The following RUFY3 variants were observed in gnomAD, a reference collection of about 807,000 sequenced individuals.
RUFY3 encodes protein RUFY3.
RUFY3 carries 34 observed loss-of-function variants against 84.0 expected under a neutral mutation model. That is an observed-to-expected ratio of 0.40 (90% CI 0.31 to 0.54). RUFY3 has a LOEUF of 0.54. RUFY3 is among the 20% of genes least tolerant of loss of function. The pLI is 0.39. For synonymous variants in RUFY3, 242 were observed against 252.9 expected (o/e 0.96, Z 0.41); for missense variants, 507 against 736.8 (o/e 0.69, Z 3.61).
rs1325855561 is a variant in RUFY3, at chr4:70,789,516, C to T, written c.1261C>T (p.Gln421Ter). 2 of 1,612,400 alleles carry T rather than the reference C, an allele frequency of 1.2e-6. No individual in the cohort carries two copies. The highest frequency in any genetic ancestry group is 1.7e-6 in the Non-Finnish European group (2 of 1,179,154). Residue 421 changes from glutamine to a stop codon, truncating the protein, a stop_gained, in exon 12 of 18, where the codon CAG becomes TAG. Coordinates refer to ENST00000381006, the MANE Select transcript of RUFY3 (RefSeq NM_001037442.4). LOFTEE classifies it high-confidence loss of function. ...KLQSSDLGVK[Q>*]KSELNSRLEE... The stretch of plus-strand genomic sequence containing the variant: ...ACAGAGTTCAGACTTAGGAGTAAAA[C>T]AGAAAAGTGAACTAAACAGTCGCTT...
At chr4:70,772,465 G>A (rs900306509) in intron 5 of RUFY3, among the ~76,000 whole-genome samples, 9 of 152,036 alleles carry the variant, frequency 5.9e-5, no homozygotes, top group Non-Finnish European at 1.0e-4. Context: ...TTAGTTTCTT[G>A]TTGTTTCAGA....
chr4:70,767,685 A>AT (rs202062817), intron 4 of RUFY3, among the ~76,000 whole-genome samples: 1,878 of 146,998 alleles, frequency 0.013, 35 homozygotes, highest in South Asian at 0.059. Flanking sequence ...GTCTTCACGA[A>AT]TTTTTTTTTT....
intron 7 of RUFY3, among the ~76,000 whole-genome samples, chr4:70,777,461 G>C (rs1249720997): frequency 6.6e-6 from 1 of 152,206 alleles, no homozygotes; most frequent in South Asian, 2.1e-4. Flanking sequence ...TTTAATTTAA[G>C]TAAAACTTAT....
At chr4:70,707,106 A>G (rs1340167937) in intron 1 of RUFY3, among the ~76,000 whole-genome samples, 1 of 152,212 alleles carries the variant, frequency 6.6e-6, no homozygotes. Context: ...GGTTATCTTT[A>G]TGTTATTAAT....
upstream of RUFY3, among the ~76,000 whole-genome samples, chr4:70,718,745 T>C (rs1741930768): frequency 6.6e-6 from 1 of 152,188 alleles, no homozygotes; most frequent in Admixed American, 6.5e-5. Context: ...TTTTTTTCTT[T>C]GAGACGGAGT....
chr4:70,705,257 G>GAGCGGCGGCGGCGGCAGC, exon 1 of RUFY3: 5 of 1,445,108 alleles, frequency 3.5e-6, no homozygotes, highest in Non-Finnish European at 4.5e-6. Context: ...TGAGCTACCC[G>GAGCGGCGGCGGCGGCAGC]AGCGGCGGCG....
chr4:70,774,644 A>AAAAAAAAATATAT (rs1553916771), intron 6 of RUFY3, among the ~76,000 whole-genome samples: 2 of 56,680 alleles, frequency 3.5e-5, no homozygotes, highest in African/African-American at 1.7e-4. Flanking sequence ...AAAAAAAAAA[A>AAAAAAAAATATAT]ATATATATAT....
chr4:70,773,503 C>T lies in RUFY3; in HGVS notation c.697-8C>T, dbSNP rs565807157. On this transcript the variant is annotated splice_region_variant and splice_polypyrimidine_tract_variant and intron_variant, in intron 5 of 17. Transcript: ENST00000381006. ...TTTTATATTAAAACCTGAAAATTCTCTCTGTAGGTTGGAGTTATAGATTTT... is the reference window on the plus strand; with the variant it reads ...TTTTATATTAAAACCTGAAAATTCTTTCTGTAGGTTGGAGTTATAGATTTT... The T allele has an allele frequency of 4.4e-6, 7 of 1,601,814 alleles. No individual in the cohort carries two copies. In the South Asian group the frequency reaches 7.7e-5, roughly 18 times the overall value.
At chr4:70,804,546 A>G in intron 17 of RUFY3, 130 bp downstream of exon 17, 1 of 593,676 alleles carries the variant, frequency 1.7e-6, no homozygotes, top group Non-Finnish European at 2.9e-6. Flanking sequence ...GAGTGGGGTG[A>G]AAAGCAAAAG....
chr4:70,744,177 G>A (rs970509920), intron 1 of RUFY3, among the ~76,000 whole-genome samples: 3 of 151,976 alleles, frequency 2.0e-5, no homozygotes, highest in Non-Finnish European at 4.4e-5. Flanking sequence ...CATAACAGTT[G>A]GCTTTTTTAA....
chr4:70,705,067 C>A (rs1266437545), exon 1 of RUFY3: 1 of 1,290,730 alleles, frequency 7.7e-7, no homozygotes, highest in South Asian at 2.4e-5. Context: ...GAGGGCGAGG[C>A]GGGGCCGCCG....
chr4:70,786,438 G>A (rs570597095), intron 10 of RUFY3, among the ~76,000 whole-genome samples: 53 of 151,372 alleles, frequency 3.5e-4, no homozygotes, highest in African/African-American at 1.2e-3. Flanking sequence ...ATAGCTCTGG[G>A]GTTCATATGA....
At chr4:70,728,362 TGA>T (rs1368887481) in intron 1 of RUFY3, among the ~76,000 whole-genome samples, 1 of 152,208 alleles carries the variant, frequency 6.6e-6, no homozygotes. Flanking sequence ...CGCAGCATCG[TGA>T]GAGAGGATCA....
intron 1 of RUFY3, among the ~76,000 whole-genome samples, chr4:70,759,653 A>G (rs996746388): frequency 5.3e-5 from 8 of 152,130 alleles, no homozygotes; most frequent in African/African-American, 7.2e-5. Flanking sequence ...GTGTATAAGA[A>G]TTCCCTTTTT....
chr4:70,773,557 G>A lies in RUFY3; in HGVS notation c.743G>A (p.Ser248Asn), dbSNP rs202121289. 424 of 1,610,414 alleles carry A rather than the reference G, an allele frequency of 2.6e-4. No individual in the cohort carries two copies. The highest frequency in any genetic ancestry group is 3.5e-4 in the Non-Finnish European group (415 of 1,176,818). The stretch of plus-strand genomic sequence containing the variant: ...ATGTATCTCAAGGACGGGAACAGCA[G>A]TAAAGGTACTGAAGGGTACGTACAA... ...FSMYLKDGNS[S>N]KGTEGDGQIT... is the part of the protein sequence containing the mutation. Residue 248 changes from serine to asparagine, a missense_variant, in exon 6 of 18, where the codon AGT becomes AAT. By Grantham distance (46) the Ser-to-Asn change is conservative. Coordinates refer to ENST00000381006, the MANE Select transcript of RUFY3 (RefSeq NM_001037442.4).
At chr4:70,760,211 G>C (rs969358783) in intron 1 of RUFY3, among the ~76,000 whole-genome samples, 1 of 152,138 alleles carries the variant, frequency 6.6e-6, no homozygotes, top group Non-Finnish European at 1.5e-5. Flanking sequence ...CAGATTATAA[G>C]AAGAACAAGA....
intron 10 of RUFY3, among the ~76,000 whole-genome samples, chr4:70,787,168 G>GAAAAAAAAA (rs71211959): frequency 3.8e-5 from 2 of 53,024 alleles, no homozygotes; most frequent in African/African-American, 1.7e-4. Context: ...CCCTGTCTCA[G>GAAAAAAAAA]AAAAAAAAAA....
intron 1 of RUFY3, among the ~76,000 whole-genome samples, chr4:70,705,509 C>T (rs1740199437): frequency 6.6e-6 from 1 of 152,134 alleles, no homozygotes; most frequent in South Asian, 2.1e-4. Flanking sequence ...CCGGATTCTA[C>T]CTCCGCGTCT....
At position 70,722,176 on chromosome 4, in the gene RUFY3, C is replaced by T; in HGVS notation, c.-398C>T. 1 of 1,230,132 alleles carries T rather than the reference C, an allele frequency of 8.1e-7. No homozygotes were observed. Among genetic ancestry groups the T allele is most frequent in the East Asian group, 3.2e-5 (1 of 31,636 alleles). The allele number at this position is 1,230,132 out of a possible 1,614,324, so 76.2% of individuals were successfully genotyped here. ...CTGCACAAAGGAGGAGGATTTTTCA[C>T]TTACTCATATCGAGGCCAGATTTTT... On this transcript the variant is annotated 5_prime_UTR_variant, in exon 1 of 18. Transcript: ENST00000381006.
Sources: gnomAD v4.1 joint callset for allele counts (sites outside exome capture counted in the v4.1 genomes callset) on GRCh38, gnomAD v4.1.1 for gene constraint, MANE v1.5 for transcripts, NCBI Gene and HGNC (gene_info 2026-07-23, HGNC 2026-07-21) for gene names.